DOK6: variants seen among roughly 807,000 people sequenced by gnomAD.
The protein encoded by DOK6 is docking protein 6, also known as downstream of tyrosine kinase 6.
DOK6 carries 22 observed loss-of-function variants against 44.0 expected under a neutral mutation model. The ratio of observed to expected loss-of-function variants is 0.50; its 90% CI spans 0.36 to 0.71. The LOEUF is 0.71. Ranked by LOEUF, DOK6 falls within the 30% of genes least tolerant of loss-of-function variation. The probability of loss-of-function intolerance (pLI) is 0.00; values close to 1 mark genes in which losing one functional copy is unlikely to be tolerated. For synonymous variants in DOK6, 166 were observed against 145.5 expected (o/e 1.14, Z -1.01); for missense variants, 340 against 416.4 (o/e 0.82, Z 1.60).
rs536890853 is a variant in DOK6 at position 69,639,889 on chromosome 18, A to G, written c.290-37845A>G. Among the ~76,000 whole-genome samples the G allele has an allele frequency of 3.2e-4, 49 of 152,236 alleles. 1 individual carries two copies. Among genetic ancestry groups the G allele is most frequent in the Middle Eastern group, 6.8e-3 (2 of 294 alleles). Reference sequence around the variant, plus strand: ...TGTCCCAAAGCTAAGCAAGAGTGGAATTATCTCCCCAAAGTCCCTTGTCCT... The same window carrying G: ...TGTCCCAAAGCTAAGCAAGAGTGGAGTTATCTCCCCAAAGTCCCTTGTCCT... On this transcript the variant is annotated intron_variant, in intron 3 of 7. Transcript: ENST00000382713.
In DOK6 at chr18:69,450,486, G is replaced by A. The variant is rs1343892496; in HGVS notation, c.66+49176G>A. Among the ~76,000 whole-genome samples, 7 of 110,958 alleles carry A rather than the reference G, an allele frequency of 6.3e-5. No homozygotes were observed. In the East Asian group the frequency reaches 2.0e-3, roughly 32 times the overall value. 72.8% of individuals were successfully genotyped at this position (110,958 alleles called of 152,430 possible). ...ATGGAACCAAGTTGGAAAACACTCT[G>A]CAGGATATTATCCAGGAGAACTTCC... is the stretch of plus-strand genomic sequence containing the variant. On this transcript the variant is annotated intron_variant, in intron 1 of 7. Transcript: ENST00000382713.
At chr18:69,418,243 AG>A (rs1410098020) in intron 1 of DOK6, among the ~76,000 whole-genome samples, 1 of 152,124 alleles carries the variant, frequency 6.6e-6, no homozygotes, top group African/African-American at 2.4e-5. Context: ...ATTGAAAGAC[AG>A]GGGTCCAGTT....
intron 1 of DOK6, among the ~76,000 whole-genome samples, chr18:69,488,331 C>T (rs569142512): frequency 1.3e-5 from 2 of 152,272 alleles, no homozygotes; most frequent in Admixed American, 6.5e-5. Flanking sequence ...TCGAGTGGGA[C>T]ACAAACGTTC....
intron 4 of DOK6, among the ~76,000 whole-genome samples, chr18:69,694,120 A>G (rs1367531699): frequency 6.7e-6 from 1 of 149,262 alleles, no homozygotes; most frequent in East Asian, 2.0e-4. Flanking sequence ...ACTGGCTGAC[A>G]GGGAAGATTT....
intron 3 of DOK6, among the ~76,000 whole-genome samples, chr18:69,665,559 G>A (rs532002325): frequency 5.3e-5 from 8 of 152,006 alleles, no homozygotes; most frequent in Admixed American, 2.0e-4. Context: ...ATTTTCTATC[G>A]TCTGCCTTAA....
At chr18:69,800,266 T>A (rs890259735) in intron 7 of DOK6, among the ~76,000 whole-genome samples, 1 of 152,174 alleles carries the variant, frequency 6.6e-6, no homozygotes, top group African/African-American at 2.4e-5. Context: ...AGTGGGATTT[T>A]AAAATTTTCC....
At chr18:69,483,024 G>A (rs570534957) in intron 1 of DOK6, among the ~76,000 whole-genome samples, 3 of 151,696 alleles carry the variant, frequency 2.0e-5, no homozygotes, top group Admixed American at 6.6e-5. Flanking sequence ...TATATTTTCT[G>A]ATACTCTCCC....
intron 2 of DOK6, among the ~76,000 whole-genome samples, chr18:69,586,623 G>T (rs1983507104): frequency 6.6e-6 from 1 of 152,230 alleles, no homozygotes; most frequent in African/African-American, 2.4e-5. Context: ...CCAGTGGAGA[G>T]GAGGTAGCCC....
chr18:69,719,474 G>A (rs538661097), intron 5 of DOK6, among the ~76,000 whole-genome samples: 17 of 152,330 alleles, frequency 1.1e-4, no homozygotes, highest in African/African-American at 2.9e-4. Flanking sequence ...TACAGATCTT[G>A]TGACCTTTGG....
At chr18:69,496,354 C>T (rs947575702) in intron 1 of DOK6, among the ~76,000 whole-genome samples, 1 of 152,232 alleles carries the variant, frequency 6.6e-6, no homozygotes, top group Non-Finnish European at 1.5e-5. Context: ...CCCACCAACT[C>T]GGAAGGGGCG....
At chr18:69,502,541 A>G (rs1350849530) in intron 1 of DOK6, among the ~76,000 whole-genome samples, 2 of 152,168 alleles carry the variant, frequency 1.3e-5, no homozygotes, top group Non-Finnish European at 2.9e-5. Context: ...TGCTGAATGC[A>G]GAGAAGCTGT....
chr18:69,547,458 C>A (rs1982438570), intron 1 of DOK6, among the ~76,000 whole-genome samples: 1 of 151,506 alleles, frequency 6.6e-6, no homozygotes, highest in Non-Finnish European at 1.5e-5. Flanking sequence ...ACAAGGCTAG[C>A]ACCAAGAGGA....
chr18:69,509,495 G>T (rs567283317), intron 1 of DOK6, among the ~76,000 whole-genome samples: 2 of 151,842 alleles, frequency 1.3e-5, no homozygotes, highest in Non-Finnish European at 2.9e-5. Flanking sequence ...AAAATTAGCC[G>T]GGCGTGGTGG....
At chr18:69,838,237 T>TAAAAAAAA (rs541410720) in intron 7 of DOK6, among the ~76,000 whole-genome samples, 1 of 140,788 alleles carries the variant, frequency 7.1e-6, no homozygotes, top group Non-Finnish European at 1.6e-5. Context: ...TCTAAAACTT[T>TAAAAAAAA]AAAAAAAAAA....
At chr18:69,722,339 G>A (rs1978290088) in intron 5 of DOK6, among the ~76,000 whole-genome samples, 1 of 152,120 alleles carries the variant, frequency 6.6e-6, no homozygotes, top group South Asian at 2.1e-4. Context: ...CATTAGTGTG[G>A]GGGACATCCT....
chr18:69,637,625 A>G (rs771002302), intron 3 of DOK6, among the ~76,000 whole-genome samples: 2 of 152,202 alleles, frequency 1.3e-5, no homozygotes, highest in Non-Finnish European at 2.9e-5. Flanking sequence ...TATCTAATCT[A>G]TTGGGTCACA....
intron 3 of DOK6, among the ~76,000 whole-genome samples, chr18:69,628,232 TA>T (rs1410440002): frequency 6.6e-6 from 1 of 152,186 alleles, no homozygotes; most frequent in Admixed American, 6.5e-5. Flanking sequence ...CTCACACCTG[TA>T]ATCTCAGCAT....
chr18:69,437,310 A>T (rs1370249782), intron 1 of DOK6, among the ~76,000 whole-genome samples: 1 of 152,122 alleles, frequency 6.6e-6, no homozygotes, highest in Admixed American at 6.5e-5. Context: ...TAAGTTTTTA[A>T]TCCATTTTGA....
chr18:69,401,873 C>A (rs1916107846), intron 1 of DOK6, among the ~76,000 whole-genome samples: 1 of 152,140 alleles, frequency 6.6e-6, no homozygotes, highest in African/African-American at 2.4e-5. Context: ...CCCGGGGACC[C>A]GCGCCCGCGT....
Sources: allele counts gnomAD v4.1 joint callset (sites outside exome capture counted in the v4.1 genomes callset), GRCh38; gene constraint gnomAD v4.1.1; transcripts MANE v1.5; gene names NCBI Gene and HGNC (gene_info 2026-07-23, HGNC 2026-07-21).